DTWD2: variants seen among roughly 807,000 people sequenced by gnomAD.
DTWD2 encodes the protein tRNA-uridine aminocarboxypropyltransferase 2.
In DTWD2, 39 loss-of-function variants were observed where a neutral mutation model predicts 31.8. That is an observed-to-expected ratio of 1.22 (90% CI 0.95 to 1.60). The LOEUF (loss-of-function observed/expected upper bound fraction) is 1.60. Among genes scored for constraint, DTWD2 ranks in the 40% most tolerant of loss-of-function variants. The pLI, the probability that DTWD2 is intolerant of heterozygous loss-of-function variation, is 0.00. For missense variants in DTWD2, 515 were observed against 381.5 expected (o/e 1.35, Z -2.92); for synonymous variants, 180 against 142.8 (o/e 1.26, Z -1.86).
chr5:118,914,696 C>A (rs551691116), intron 4 of DTWD2, among the ~76,000 whole-genome samples: 1 of 152,236 alleles, frequency 6.6e-6, no homozygotes, highest in East Asian at 1.9e-4. Context: ...AACAGCTGCA[C>A]TCCAGCTTAA....
At chr5:118,964,511 C>T (rs1276675112) in intron 1 of DTWD2, among the ~76,000 whole-genome samples, 1 of 152,190 alleles carries the variant, frequency 6.6e-6, no homozygotes, top group African/African-American at 2.4e-5. Flanking sequence ...ACTGTACTGC[C>T]GCCATCTCTG....
chr5:118,847,276 G>C (rs888350500), intron 5 of DTWD2, among the ~76,000 whole-genome samples: 1 of 152,108 alleles, frequency 6.6e-6, no homozygotes, highest in Admixed American at 6.6e-5. Context: ...GCGTGTGTAT[G>C]TGCGTGTGTG....
intron 4 of DTWD2, among the ~76,000 whole-genome samples, chr5:118,872,388 A>C (rs527950114): frequency 6.6e-6 from 1 of 152,360 alleles, no homozygotes; most frequent in African/African-American, 2.4e-5. Flanking sequence ...TGCCTTCCTC[A>C]ATAAGCTTAA....
intron 4 of DTWD2, among the ~76,000 whole-genome samples, chr5:118,850,477 CAA>C (rs34808087): frequency 0.043 from 1,278 of 30,050 alleles, no homozygotes; most frequent in Admixed American, 0.069. Context: ...GACCCCACCA[CAA>C]AAAAAAAAAA....
At chr5:118,904,483 G>A (rs1167305970) in intron 4 of DTWD2, among the ~76,000 whole-genome samples, 1 of 151,998 alleles carries the variant, frequency 6.6e-6, no homozygotes, top group South Asian at 2.1e-4. Flanking sequence ...ACGCACACAC[G>A]TTTATGTAGC....
intron 4 of DTWD2, among the ~76,000 whole-genome samples, chr5:118,896,757 G>A (rs776416612): frequency 2.6e-5 from 4 of 152,152 alleles, no homozygotes; most frequent in Non-Finnish European, 5.9e-5. Context: ...GATCTGCCTA[G>A]TCAGGGTAAT....
At chr5:118,968,142 TGA>T (rs1754896450) in intron 1 of DTWD2, among the ~76,000 whole-genome samples, 1 of 150,534 alleles carries the variant, frequency 6.6e-6, no homozygotes, top group African/African-American at 2.5e-5. Context: ...AAACCCAACT[TGA>T]GAGACATTCT....
rs1213209723 is a variant in DTWD2, at chr5:118,982,743, C to T, written c.218+5551G>A. 5.8e-5 allele frequency among the ~76,000 whole-genome samples: 8 copies of T among 138,164 alleles called. No homozygotes were observed. The South Asian group carries it at 1.3e-3, about 23-fold the overall frequency. 90.6% of individuals were successfully genotyped at this position (138,164 alleles called of 152,430 possible). A position where few individuals can be genotyped will look rare whatever the true frequency, so the allele number is the denominator to read the frequency against. On this transcript the variant is annotated intron_variant, in intron 1 of 5. Transcript: ENST00000510708. ...TCGCTCTGTCGCCGAGGCTGGAGTG[C>T]AGTGGAGCAATCTTGGCTCACTGCA...
intron 4 of DTWD2, among the ~76,000 whole-genome samples, chr5:118,912,331 T>C (rs1753475548): frequency 1.3e-5 from 2 of 152,164 alleles, no homozygotes; most frequent in Non-Finnish European, 2.9e-5. Flanking sequence ...AAGGGAGAAC[T>C]GTACATAAGA....
At chr5:118,920,427 T>C (rs1013015890) in intron 4 of DTWD2, among the ~76,000 whole-genome samples, 5 of 152,110 alleles carry the variant, frequency 3.3e-5, no homozygotes, top group Non-Finnish European at 5.9e-5. Context: ...TAACGCTAAA[T>C]ATCTAAAGGT....
chr5:118,908,285 T>C (rs1331646017), intron 4 of DTWD2, among the ~76,000 whole-genome samples: 1 of 151,984 alleles, frequency 6.6e-6, no homozygotes, highest in Non-Finnish European at 1.5e-5. Context: ...GTGATACGGG[T>C]GAGTTCCCTG....
chr5:118,947,750 T>C (rs956812031), intron 1 of DTWD2, among the ~76,000 whole-genome samples: 14 of 152,298 alleles, frequency 9.2e-5, no homozygotes, highest in African/African-American at 3.1e-4. Context: ...AGAATTTCTC[T>C]GCCTCCTGTT....
intron 1 of DTWD2, among the ~76,000 whole-genome samples, chr5:118,982,929 T>A (rs1261575744): frequency 1.3e-5 from 2 of 152,150 alleles, no homozygotes; most frequent in African/African-American, 4.8e-5. Context: ...GACCTTGTGA[T>A]CCATCCGCCT....
At chr5:118,859,929 G>A (rs967118508) in intron 4 of DTWD2, among the ~76,000 whole-genome samples, 7 of 152,150 alleles carry the variant, frequency 4.6e-5, no homozygotes, top group South Asian at 4.2e-4. Context: ...ACCAGCCTAG[G>A]CAACATGATA....
chr5:118,974,348 TG>T, intron 1 of DTWD2, among the ~76,000 whole-genome samples: 1 of 152,274 alleles, frequency 6.6e-6, no homozygotes, highest in Admixed American at 6.5e-5. Flanking sequence ...TCCAAGGCCC[TG>T]CTTTTTTTCT....
At chr5:118,974,886 G>A (rs1234115409) in intron 1 of DTWD2, among the ~76,000 whole-genome samples, 1 of 152,094 alleles carries the variant, frequency 6.6e-6, no homozygotes, top group Non-Finnish European at 1.5e-5. Context: ...TTTCTGCTGA[G>A]AGATCTGCTG....
chr5:118,950,020 C>T (rs955022521), intron 1 of DTWD2, among the ~76,000 whole-genome samples: 9 of 151,996 alleles, frequency 5.9e-5, no homozygotes, highest in Non-Finnish European at 1.0e-4. Context: ...ACCATCCTGG[C>T]TAACATGGTG....
intron 4 of DTWD2, among the ~76,000 whole-genome samples, chr5:118,869,385 C>T (rs1049626393): frequency 5.9e-5 from 9 of 152,076 alleles, no homozygotes; most frequent in African/African-American, 1.2e-4. Context: ...AAAAATTCCA[C>T]GCTCAGAAGA....
At chr5:118,884,648 C>A (rs1752814944) in intron 4 of DTWD2, among the ~76,000 whole-genome samples, 1 of 152,062 alleles carries the variant, frequency 6.6e-6, no homozygotes, top group African/African-American at 2.4e-5. Context: ...AAAATTATTT[C>A]TTCAAATATC....
Sources: gnomAD v4.1 joint callset for allele counts (sites outside exome capture counted in the v4.1 genomes callset) on GRCh38, gnomAD v4.1.1 for gene constraint, MANE v1.5 for transcripts, NCBI Gene and HGNC (gene_info 2026-07-23, HGNC 2026-07-21) for gene names.